DTL: variants seen among roughly 807,000 people sequenced by gnomAD.
DTL encodes denticleless protein homolog.
In DTL, 46 loss-of-function variants were observed where a neutral mutation model predicts 87.0. The ratio of observed to expected loss-of-function variants is 0.53; its 90% CI spans 0.42 to 0.68. The LOEUF is 0.68. DTL is among the 30% of genes least tolerant of loss of function. The pLI, the probability that DTL is intolerant of heterozygous loss-of-function variation, is 0.00. For synonymous variants in DTL, 308 were observed against 311.2 expected (o/e 0.99, Z 0.11); for missense variants, 737 against 869.4 (o/e 0.85, Z 1.91).
intron 5 of DTL, among the ~76,000 whole-genome samples, chr1:212,056,407 A>ATT (rs1261747383): frequency 6.6e-6 from 1 of 152,212 alleles, no homozygotes; most frequent in East Asian, 1.9e-4. Context: ...GCCAAAAGAA[A>ATT]TGATAGAGAC....
At chr1:212,047,099 G>A (rs1317611820) in intron 3 of DTL, 52 bp from the exon 4 acceptor site, 21 of 1,511,870 alleles carry the variant, frequency 1.4e-5, no homozygotes, top group Non-Finnish European at 1.9e-5. Flanking sequence ...ATTAATATGG[G>A]TACCACAGAA....
At chr1:212,068,118 A>G (rs1654562088) in intron 8 of DTL, 106 bp from the exon 9 acceptor site, 3 of 661,162 alleles carry the variant, frequency 4.5e-6, no homozygotes, top group Non-Finnish European at 7.8e-6. Flanking sequence ...GTACCTAGTT[A>G]ATGTGCCAGA....
At chr1:212,045,119 G>A (rs187898836) in intron 3 of DTL, among the ~76,000 whole-genome samples, 47 of 152,232 alleles carry the variant, frequency 3.1e-4, no homozygotes, top group African/African-American at 8.7e-4. Flanking sequence ...TAGGGAGGGC[G>A]TTAATCTGTT....
intron 13 of DTL, among the ~76,000 whole-genome samples, chr1:212,097,521 C>A (rs1655486478): frequency 6.6e-6 from 1 of 152,178 alleles, no homozygotes; most frequent in Non-Finnish European, 1.5e-5. Context: ...TTAAAACTTT[C>A]CAGTGTATTT....
At chr1:212,074,790 G>A (rs1230935882) in intron 11 of DTL, among the ~76,000 whole-genome samples, 1 of 151,990 alleles carries the variant, frequency 6.6e-6, no homozygotes, top group African/African-American at 2.4e-5. Flanking sequence ...AAAGCCAAAA[G>A]CCCATGGGCA....
intron 13 of DTL, among the ~76,000 whole-genome samples, chr1:212,086,333 A>G (rs972421524): frequency 2.6e-5 from 4 of 152,216 alleles, no homozygotes; most frequent in Non-Finnish European, 5.9e-5. Context: ...TGAGGCCATT[A>G]GAGAATACTG....
chr1:212,057,684 A>G (rs1435599509), intron 5 of DTL, among the ~76,000 whole-genome samples: 1 of 152,172 alleles, frequency 6.6e-6, no homozygotes, highest in African/African-American at 2.4e-5. Context: ...AACAAAGGAT[A>G]TACAGAACAA....
At position 212,100,510 on chromosome 1, in the gene DTL, G is replaced by A. The variant is rs778583842; in HGVS notation, c.1520G>A (p.Arg507Gln). ...FKMSIRNWVT[R>Q]TPSSSPPITP... Reference sequence around the variant, plus strand: ...ATGTCGATTAGAAACTGGGTGACCCGAACACCTTCCTCATCACCACCCATC... The same window carrying A: ...ATGTCGATTAGAAACTGGGTGACCCAAACACCTTCCTCATCACCACCCATC... The change falls in exon 14 of 15, where the codon CGA becomes CAA. Residue 507 changes from arginine to glutamine, a missense_variant. Transcript: ENST00000366991. The A allele has an allele frequency of 3.7e-6, 6 of 1,613,786 alleles. No homozygotes were observed. Among genetic ancestry groups the A allele is most frequent in the East Asian group, 4.5e-5 (2 of 44,872 alleles).
At position 212,091,531 on chromosome 1, in the gene DTL, A is replaced by T. The variant is rs568612987; in HGVS notation, c.1262-8721A>T. Among the ~76,000 whole-genome samples, 3 of 152,336 alleles carry T rather than the reference A, an allele frequency of 2.0e-5. No individual in the cohort carries two copies. The South Asian group carries it at 6.2e-4, about 32-fold the overall frequency. On this transcript the variant is annotated intron_variant, in intron 13 of 14. Transcript: ENST00000366991. ...CACTGCAGCACTATTCACGATAGCC[A>T]AGATATGGAATCACCTAAGTATTCA...
intron 13 of DTL, among the ~76,000 whole-genome samples, chr1:212,084,316 G>A (rs1240595740): frequency 6.6e-6 from 1 of 151,670 alleles, no homozygotes; most frequent in Non-Finnish European, 1.5e-5. Flanking sequence ...CTCCTGAGTA[G>A]CTGGAATTAC....
At chr1:212,052,108 A>G (rs1227605397) in intron 5 of DTL, 16 of 708,616 alleles carry the variant, frequency 2.3e-5, no homozygotes, top group Non-Finnish European at 4.0e-5. Context: ...AAGTTGTTCC[A>G]CTATCATCTC....
chr1:212,040,145 CTTCATA>C (rs778486666), intron 1 of DTL, among the ~76,000 whole-genome samples: 11 of 152,140 alleles, frequency 7.2e-5, no homozygotes, highest in Non-Finnish European at 1.5e-4. Flanking sequence ...TATTTTATTT[CTTCATA>C]TTCTTATTCT....
In DTL at chr1:212,043,081, A is replaced by C; in HGVS notation, c.141A>C (p.Gly47=). The part of the protein sequence containing the change: ...NDEHTSYGET[G]VPVPPFGCTF... ...AACACACTTCTTATGGAGAAACAGG[A>C]GTCCCAGTTCCTCCTTTTGGATGTA... Residue 47 remains glycine, a synonymous_variant, in exon 2 of 15, where the codon GGA becomes GGC. Coordinates refer to ENST00000366991, the MANE Select transcript of DTL (RefSeq NM_016448.4). 6.2e-7 allele frequency: 1 copy of C among 1,613,184 alleles called. No individual in the cohort carries two copies. The highest frequency in any genetic ancestry group is 1.1e-5 in the South Asian group (1 of 90,942).
chr1:212,089,081 G>A (rs56292525), intron 13 of DTL, among the ~76,000 whole-genome samples: 46,686 of 152,094 alleles, frequency 0.31, 8,846 homozygotes, highest in Middle Eastern at 0.43. Flanking sequence ...ACAAGACTCC[G>A]TCTCAAAAAA....
intron 6 of DTL, 66 bp from the exon 7 acceptor site, chr1:212,064,851 A>G: frequency 1.5e-6 from 2 of 1,326,882 alleles, no homozygotes; most frequent in Non-Finnish European, 2.2e-6. Context: ...TTGAAGTTTT[A>G]TTTACACATG....
intron 5 of DTL, 62 bp downstream of exon 5, chr1:212,047,479 C>G (rs1435101299): frequency 1.3e-6 from 2 of 1,594,822 alleles, no homozygotes; most frequent in East Asian, 2.2e-5. Context: ...AGATAAGAAC[C>G]TGTAATTGTT....
rs755137751 is a variant in DTL, at chr1:212,080,384, C to CTAG, written c.1126-227_1126-225dup. The CTAG allele has an allele frequency of 8.0e-4, 293 of 368,464 alleles. 2 individuals carry two copies. Among genetic ancestry groups the CTAG allele is most frequent in the Non-Finnish European group, 1.1e-3 (223 of 204,310 alleles). 22.8% of individuals were successfully genotyped at this position (368,464 alleles called of 1,614,324 possible). ...GAAATGACCAGTAACAAAAGACATA[C>CTAG]TAGTAGAATGTATATGAAGAATAAA... is the stretch of plus-strand genomic sequence containing the variant. On this transcript the variant is annotated intron_variant, in intron 12 of 14. Transcript: ENST00000366991.
At chr1:212,065,557 AACAC>A (rs1295095868) in intron 7 of DTL, among the ~76,000 whole-genome samples, 1 of 151,830 alleles carries the variant, frequency 6.6e-6, no homozygotes, top group Non-Finnish European at 1.5e-5. Context: ...CACAGACACA[AACAC>A]ACACACACAA....
chr1:212,101,705 T>C (rs1279245844), intron 14 of DTL, among the ~76,000 whole-genome samples: 1 of 152,256 alleles, frequency 6.6e-6, no homozygotes, highest in Non-Finnish European at 1.5e-5. Context: ...TCTATTCTTT[T>C]TAACATTCAG....
Sources: allele counts gnomAD v4.1 joint callset (sites outside exome capture counted in the v4.1 genomes callset), GRCh38; gene constraint gnomAD v4.1.1; transcripts MANE v1.5; gene names NCBI Gene and HGNC (gene_info 2026-07-23, HGNC 2026-07-21).